The following TTC23L variants were observed in gnomAD, a reference collection of about 807,000 sequenced individuals.
TTC23L encodes the protein tetratricopeptide repeat domain 23 like, also known as tetratricopeptide repeat protein 23-like.
TTC23L carries 42 observed loss-of-function variants against 48.1 expected under a neutral mutation model. The observed-to-expected ratio is 0.87, with a 90% CI of 0.68 to 1.13. The LOEUF is 1.13. Ranked by LOEUF, TTC23L falls within the 50% of genes most tolerant of loss-of-function variation. TTC23L has a pLI of 0.00. For synonymous variants in TTC23L, 159 were observed against 157.2 expected (o/e 1.01, Z -0.09); for missense variants, 391 against 421.0 (o/e 0.93, Z 0.62).
chr5:34,872,774 G>A (rs1002188185), intron 8 of TTC23L, among the ~76,000 whole-genome samples: 5 of 152,156 alleles, frequency 3.3e-5, no homozygotes, highest in South Asian at 2.1e-4. Context: ...TAAAAGAACC[G>A]GACTTGGGCT....
At chr5:34,917,857 T>G in the TTC23L span, among the ~76,000 whole-genome samples, 37 of 151,758 alleles carry the variant, frequency 2.4e-4, no homozygotes, top group African/African-American at 8.7e-4. Context: ...AGAAAGAACT[T>G]TTAGGGTTGG....
the TTC23L span, chr5:34,911,811 C>T: frequency 6.2e-7 from 1 of 1,613,948 alleles, no homozygotes; most frequent in Non-Finnish European, 8.5e-7. Context: ...CAGTTAAAGT[C>T]CCTGCAATGG....
the TTC23L span, chr5:34,922,345 C>A: frequency 1.7e-6 from 2 of 1,145,430 alleles, no homozygotes; most frequent in Non-Finnish European, 2.6e-6. Context: ...GTTCTTTGTA[C>A]CTTTTATGTT....
At chr5:34,895,888 C>A (rs556811745) in intron 9 of TTC23L, among the ~76,000 whole-genome samples, 1 of 152,320 alleles carries the variant, frequency 6.6e-6, no homozygotes, top group Non-Finnish European at 1.5e-5. Context: ...CAGGCTGCTG[C>A]ATTCATCTTC....
At chr5:34,861,839 G>C (rs1368775868) in intron 4 of TTC23L, among the ~76,000 whole-genome samples, 1 of 152,196 alleles carries the variant, frequency 6.6e-6, no homozygotes, top group African/African-American at 2.4e-5. Context: ...CCTGCAGAGA[G>C]AGGGCTGAAA....
At chr5:34,901,191 C>T (rs1366665379), downstream of TTC23L, among the ~76,000 whole-genome samples, 1 of 151,444 alleles carries the variant, frequency 6.6e-6, no homozygotes, top group Non-Finnish European at 1.5e-5. Flanking sequence ...CTAGGCAACG[C>T]AGTTTGTGTT....
chr5:34,908,798 G>A, the TTC23L span: 1 of 1,609,342 alleles, frequency 6.2e-7, no homozygotes, highest in Non-Finnish European at 8.5e-7. Flanking sequence ...CTTCATCAGG[G>A]CAGCAGTAAT....
chr5:34,923,459 G>A, the TTC23L span: 1 of 519,688 alleles, frequency 1.9e-6, no homozygotes, highest in Non-Finnish European at 3.5e-6. Context: ...TGTAGTTTTA[G>A]TAGAGACGGG....
chr5:34,858,296 A>G (rs974697791), intron 4 of TTC23L, among the ~76,000 whole-genome samples: 1 of 152,232 alleles, frequency 6.6e-6, no homozygotes, highest in African/African-American at 2.4e-5. Context: ...AATCTTATAT[A>G]CAGAGAGTTT....
chr5:34,858,443 G>T (rs905499123), intron 4 of TTC23L, among the ~76,000 whole-genome samples: 1 of 152,054 alleles, frequency 6.6e-6, no homozygotes. Context: ...ATCACAAGTG[G>T]AGGAAGCCTT....
chr5:34,880,217 C>T (rs1191792071), exon 9 of TTC23L: 1 of 1,612,720 alleles, frequency 6.2e-7, no homozygotes, highest in Non-Finnish European at 8.5e-7. Context: ...AGTATCAATG[C>T]ATATCGAGCA....
At chr5:34,903,270 C>T (rs1763555095), downstream of TTC23L, among the ~76,000 whole-genome samples, 1 of 152,100 alleles carries the variant, frequency 6.6e-6, no homozygotes, top group Non-Finnish European at 1.5e-5. Context: ...CATCCTTATA[C>T]CTAGTAAAAT....
At chr5:34,844,271 A>C (rs1561117693) in intron 2 of TTC23L, among the ~76,000 whole-genome samples, 1 of 151,962 alleles carries the variant, frequency 6.6e-6, no homozygotes, top group Non-Finnish European at 1.5e-5. Flanking sequence ...GGCCTCAAGA[A>C]ATGTTGCTTC....
intron 3 of TTC23L, among the ~76,000 whole-genome samples, chr5:34,849,795 C>T (rs1221807186): frequency 6.6e-6 from 1 of 152,096 alleles, no homozygotes; most frequent in Admixed American, 6.5e-5. Flanking sequence ...ACTGATCACG[C>T]TACATATTCA....
intron 9 of TTC23L, among the ~76,000 whole-genome samples, chr5:34,883,743 T>G (rs1762383660): frequency 6.6e-6 from 1 of 152,148 alleles, no homozygotes; most frequent in East Asian, 1.9e-4. Context: ...AAAATCTAAG[T>G]AGACATTTAA....
At chr5:34,841,579 G>A (rs986110106) in intron 2 of TTC23L, among the ~76,000 whole-genome samples, 12 of 152,192 alleles carry the variant, frequency 7.9e-5, no homozygotes, top group Non-Finnish European at 1.8e-4. Flanking sequence ...GTGCAGTGGT[G>A]CAATCACGGC....
chr5:34,890,043 T>G (rs1194784675), intron 9 of TTC23L, among the ~76,000 whole-genome samples: 1 of 152,018 alleles, frequency 6.6e-6, no homozygotes, highest in African/African-American at 2.4e-5. Context: ...TTCCCCATGT[T>G]GGCCAGGATG....
chr5:34,885,226 G>A (rs187173121), intron 9 of TTC23L, among the ~76,000 whole-genome samples: 2 of 152,298 alleles, frequency 1.3e-5, no homozygotes, highest in Admixed American at 1.3e-4. Context: ...AAGGGCAGGA[G>A]AACTGTAACA....
intron 9 of TTC23L, chr5:34,883,079 G>A (rs56273718): frequency 5.9e-5 from 9 of 152,576 alleles, no homozygotes; most frequent in African/African-American, 2.2e-4. Context: ...ACAGAGAAAA[G>A]AAGAGAGGCA....
Sources: allele counts gnomAD v4.1 joint callset (sites outside exome capture counted in the v4.1 genomes callset), GRCh38; gene constraint gnomAD v4.1.1; transcripts MANE v1.5; gene names NCBI Gene and HGNC (gene_info 2026-07-23, HGNC 2026-07-21).